The following ACSS3 variants were observed in gnomAD, a reference collection of about 807,000 sequenced individuals.
ACSS3 encodes acyl-CoA synthetase short-chain family member 3, mitochondrial.
A neutral mutation model predicts 84.2 loss-of-function variants in ACSS3; 64 were observed. The ratio of observed to expected loss-of-function variants is 0.76; its 90% confidence interval spans 0.62 to 0.94. The LOEUF is 0.94. Ranked by LOEUF, ACSS3 falls within the 40% of genes least tolerant of loss-of-function variation. The pLI is 0.00. For missense variants in ACSS3, 815 were observed against 867.6 expected (o/e 0.94, Z 0.76); for synonymous variants, 317 against 310.1 (o/e 1.02, Z -0.23).
intron 9 of ACSS3, among the ~76,000 whole-genome samples, chr12:81,206,548 G>A (rs1393531494): frequency 6.6e-6 from 1 of 152,068 alleles, no homozygotes; most frequent in South Asian, 2.1e-4. Flanking sequence ...TGTGATGGGG[G>A]AAAAAGCAGT....
Position 81,253,560 on chromosome 12 carries a change from C to T in ACSS3, c.1885C>T (p.Pro629Ser). The T allele has an allele frequency of 1.2e-6, 2 of 1,613,912 alleles. No homozygotes were observed. Among genetic ancestry groups the T allele is most frequent in the Non-Finnish European group, 8.5e-7 (1 of 1,179,912 alleles). Residue 629 changes from proline to serine, a missense_variant, in exon 15 of 16, where the codon CCT becomes TCT. Physicochemically the swap from Pro to Ser is moderately conservative, Grantham distance 74. Transcript: ENST00000548058. The part of the protein sequence containing the change: ...IVKHVRQNIG[P>S]VAAFRNAVFV... ...GAAACACGTTAGACAGAACATTGGC[C>T]CTGTGGCTGCTTTTCGAAATGCAGT...
chr12:81,078,522 T>C, intron 1 of ACSS3, 91 bp downstream of exon 1: 1 of 1,419,280 alleles, frequency 7.0e-7, no homozygotes, highest in South Asian at 1.2e-5. Flanking sequence ...TGGCATTCTA[T>C]CACGAAAGAA....
chr12:81,177,973 C>T (rs2030618185), intron 8 of ACSS3, among the ~76,000 whole-genome samples: 1 of 152,140 alleles, frequency 6.6e-6, no homozygotes, highest in Non-Finnish European at 1.5e-5. Context: ...GGTATATACC[C>T]AAAGGACTAT....
At chr12:81,140,974 T>C (rs915940336) in intron 4 of ACSS3, among the ~76,000 whole-genome samples, 1 of 152,310 alleles carries the variant, frequency 6.6e-6, no homozygotes, top group Non-Finnish European at 1.5e-5. Flanking sequence ...TCTAGCCTTA[T>C]TTTGGAGATA....
chr12:81,176,934 T>C (rs1253691622), intron 8 of ACSS3, among the ~76,000 whole-genome samples: 1 of 152,048 alleles, frequency 6.6e-6, no homozygotes, highest in East Asian at 1.9e-4. Context: ...ACCAGCAAAC[T>C]GGAACGAGCA....
At chr12:81,155,906 T>G (rs907192118) in intron 7 of ACSS3, among the ~76,000 whole-genome samples, 5 of 152,172 alleles carry the variant, frequency 3.3e-5, no homozygotes, top group Non-Finnish European at 7.4e-5. Flanking sequence ...CCAACAAGAT[T>G]TAATTGACAT....
At position 81,260,803 on chromosome 12, in the gene ACSS3, C is replaced by T. The variant is rs1399453638; in HGVS notation, c.*5881C>T. 1 of 152,126 alleles carries T rather than the reference C, an allele frequency of 6.6e-6. No individual in the cohort carries two copies. The highest frequency in any genetic ancestry group is 1.9e-4 in the East Asian group (1 of 5,186). 9.4% of individuals were successfully genotyped at this position (152,126 alleles called of 1,614,324 possible). ...CTGTTTTCTCTTAACCCTGTGCACACATTTTGTTCTAAATATCGCTCTTAA... is the reference window on the plus strand; with the variant it reads ...CTGTTTTCTCTTAACCCTGTGCACATATTTTGTTCTAAATATCGCTCTTAA... On this transcript the variant is annotated 3_prime_UTR_variant, in exon 16 of 16. Transcript: ENST00000548058.
chr12:81,241,680 G>T (rs1333925344), intron 13 of ACSS3, among the ~76,000 whole-genome samples: 2 of 152,088 alleles, frequency 1.3e-5, no homozygotes, highest in Non-Finnish European at 2.9e-5. Flanking sequence ...TTTTGATGGG[G>T]TTGTTTGTTT....
At chr12:81,240,986 C>T (rs2033781463) in intron 13 of ACSS3, among the ~76,000 whole-genome samples, 1 of 117,390 alleles carries the variant, frequency 8.5e-6, no homozygotes, top group African/African-American at 3.2e-5. Context: ...TCCCTCCCCC[C>T]TCCCCCCACC....
chr12:81,115,589 C>A (rs1883971602), intron 2 of ACSS3, among the ~76,000 whole-genome samples: 1 of 152,060 alleles, frequency 6.6e-6, no homozygotes, highest in South Asian at 2.1e-4. Context: ...GTTTGAGCCA[C>A]CACACCTGAC....
chr12:81,094,186 G>GTGTA (rs1565971804), intron 1 of ACSS3, among the ~76,000 whole-genome samples: 1 of 147,140 alleles, frequency 6.8e-6, no homozygotes, highest in Non-Finnish European at 1.5e-5. Flanking sequence ...CTCTCTCTCT[G>GTGTA]TGTGTGTGTG....
chr12:81,199,019 G>A (rs1360904086), intron 8 of ACSS3, among the ~76,000 whole-genome samples: 1 of 152,124 alleles, frequency 6.6e-6, no homozygotes, highest in African/African-American at 2.4e-5. Flanking sequence ...CAATGTCAAG[G>A]TGAAATATAT....
chr12:81,253,246 T>C (rs1304219789), intron 13 of ACSS3, 61 bp from the exon 14 acceptor site: 9 of 1,474,632 alleles, frequency 6.1e-6, no homozygotes, highest in African/African-American at 1.4e-5. Context: ...TATATCTATA[T>C]GTTGAATATA....
chr12:81,204,448 C>T (rs1374756180), intron 9 of ACSS3, among the ~76,000 whole-genome samples: 1 of 149,094 alleles, frequency 6.7e-6, no homozygotes, highest in African/African-American at 2.5e-5. Flanking sequence ...TTTCTTCTTT[C>T]CTTCATTCAT....
chr12:81,171,414 A>G (rs898333777), intron 7 of ACSS3, among the ~76,000 whole-genome samples: 1 of 152,162 alleles, frequency 6.6e-6, no homozygotes, highest in African/African-American at 2.4e-5. Context: ...CTTAAGAAAG[A>G]AAAAACTAAA....
intron 1 of ACSS3, among the ~76,000 whole-genome samples, chr12:81,079,314 T>A (rs1038030965): frequency 6.6e-6 from 1 of 152,044 alleles, no homozygotes; most frequent in Non-Finnish European, 1.5e-5. Flanking sequence ...ACTCTTAGAG[T>A]GTGGCTCCTT....
intron 1 of ACSS3, among the ~76,000 whole-genome samples, chr12:81,100,910 A>G (rs1882459206): frequency 6.6e-6 from 1 of 152,192 alleles, no homozygotes. Context: ...CGACATGGCC[A>G]TGCCTCATTT....
intron 1 of ACSS3, among the ~76,000 whole-genome samples, chr12:81,089,595 T>A (rs1476586178): frequency 1.3e-5 from 2 of 151,986 alleles, no homozygotes; most frequent in Non-Finnish European, 2.9e-5. Context: ...AAAATATATG[T>A]GCAGAGTCTG....
chr12:81,232,914 C>T (rs1332514107), intron 12 of ACSS3, among the ~76,000 whole-genome samples: 1 of 151,632 alleles, frequency 6.6e-6, no homozygotes, highest in Admixed American at 6.6e-5. Context: ...TGAGTCCAAT[C>T]CTAACCCATA....
Sources: gnomAD v4.1 joint callset for allele counts (sites outside exome capture counted in the v4.1 genomes callset) on GRCh38, gnomAD v4.1.1 for gene constraint, MANE v1.5 for transcripts, NCBI Gene and HGNC (gene_info 2026-07-23, HGNC 2026-07-21) for gene names.